PPIE: variants seen among roughly 807,000 people sequenced by gnomAD.
PPIE encodes peptidyl-prolyl cis-trans isomerase E.
A neutral mutation model predicts 38.4 loss-of-function variants in PPIE; 20 were observed. That is an observed-to-expected ratio of 0.52 (90% CI 0.37 to 0.76). PPIE has a LOEUF of 0.76. PPIE is among the 30% of genes least tolerant of loss of function. The pLI is 0.00. For missense variants in PPIE, 322 were observed against 385.8 expected (o/e 0.83, Z 1.39); for synonymous variants, 142 against 135.7 (o/e 1.05, Z -0.32).
At chr1:39,762,518 T>A (rs1557470321) in intron 9 of PPIE, 37 of 1,549,662 alleles carry the variant, frequency 2.4e-5, no homozygotes, top group Non-Finnish European at 3.1e-5. Context: ...TCCTTTAAGG[T>A]TGCCCCAGAT....
chr1:39,755,110 C>T lies in PPIE; in HGVS notation c.*1755C>T. On this transcript the variant is annotated 3_prime_UTR_variant, in exon 10 of 10. Transcript: ENST00000324379. ...TTGGAGCTGGCTTCTCTCCACTCCC[C>T]CTCCAGATGCTGGTCAGCCAGGCGG... is the stretch of plus-strand genomic sequence containing the variant. 1.0e-6 allele frequency: 1 copy of T among 985,476 alleles called. No individual in the cohort carries two copies. The highest frequency in any genetic ancestry group is 1.2e-6 in the Non-Finnish European group (1 of 829,940). 61.0% of individuals were successfully genotyped at this position (985,476 alleles called of 1,614,324 possible).
At position 39,755,616 on chromosome 1, in the gene PPIE, A is replaced by T. The variant is rs1261216972; in HGVS notation, c.*2261A>T. On this transcript the variant is annotated 3_prime_UTR_variant, in exon 10 of 10. Coordinates refer to ENST00000324379, the MANE Select transcript of PPIE (RefSeq NM_006112.4). ...AGTGCTTGGACGAGAACCAGGAGAG[A>T]GTGTGTAGAAAAAGCACAGCCAGCC... 5 of 985,230 alleles carry T rather than the reference A, an allele frequency of 5.1e-6. No individual in the cohort carries two copies. The highest frequency in any genetic ancestry group is 1.1e-4 in the East Asian group (1 of 8,816). The allele number at this position is 985,230 out of a possible 1,614,324, so 61.0% of individuals were successfully genotyped here. A position where few individuals can be genotyped will look rare whatever the true frequency, so the allele number is the denominator to read the frequency against.
At chr1:39,750,092 C>T (rs1319404449) in intron 8 of PPIE, among the ~76,000 whole-genome samples, 1 of 152,006 alleles carries the variant, frequency 6.6e-6, no homozygotes. Context: ...AAGATCGCAC[C>T]ATTGCACTCC....
chr1:39,746,616 A>C (rs974783561), intron 7 of PPIE: 1 of 152,220 alleles, frequency 6.6e-6, no homozygotes, highest in African/African-American at 2.4e-5. Flanking sequence ...AAGGATCCCA[A>C]AGATTAACCA....
chr1:39,747,854 A>G (rs1015358695), intron 7 of PPIE: 6 of 152,158 alleles, frequency 3.9e-5, no homozygotes, highest in African/African-American at 1.4e-4. Context: ...ACATCTTTTC[A>G]TGTGCTTGTT....
At chr1:39,744,545 A>G (rs537050511) in intron 6 of PPIE, among the ~76,000 whole-genome samples, 56 of 152,206 alleles carry the variant, frequency 3.7e-4, no homozygotes, top group Non-Finnish European at 6.8e-4. Flanking sequence ...GTAGCAGTCT[A>G]TCTCTAGTTT....
At chr1:39,743,997 A>G (rs1557445204) in intron 6 of PPIE, 73 bp downstream of exon 6, 2 of 1,072,840 alleles carry the variant, frequency 1.9e-6, no homozygotes, top group Non-Finnish European at 2.7e-6. Flanking sequence ...TTAAGTTTTA[A>G]TGGAAATTTG....
chr1:39,754,044 A>C lies in PPIE; in HGVS notation c.*689A>C. 1.0e-6 allele frequency: 1 copy of C among 985,462 alleles called. No homozygotes were observed. 61.0% of individuals were successfully genotyped at this position (985,462 alleles called of 1,614,324 possible). On this transcript the variant is annotated 3_prime_UTR_variant, in exon 10 of 10. Transcript: ENST00000324379. ...AAAAAATGAAATTTTTATAACTCAA[A>C]GTGCCTTCTCTGTGCCAAGTACTAT...
rs186708160 is a variant in PPIE, at chr1:39,762,850, A to G, written c.838-839A>G. 2.7e-3 allele frequency among the ~76,000 whole-genome samples: 404 copies of G among 152,384 alleles called. 1 individual carries two copies. Among genetic ancestry groups the G allele is most frequent in the African/African-American group, 9.2e-3 (383 of 41,590 alleles). On this transcript the variant is annotated intron_variant, in intron 9 of 9. Coordinates refer to the PPIE transcript ENST00000356511. ...CAGGAGTTTGTTCGGTGCATAGAAC[A>G]GGCATGTGTACACGACTGTTCACGT...
chr1:39,762,409 T>C, intron 9 of PPIE: 2 of 1,375,614 alleles, frequency 1.5e-6, no homozygotes, highest in Non-Finnish European at 1.9e-6. Context: ...GGATTCTAGG[T>C]AAAAAGTTCT....
In PPIE at chr1:39,753,531, T is replaced by G; in HGVS notation, c.*176T>G. ...TCCTCTGCAGGCACAGCCTGGACTATTCCCAGGCACAGCTGTGGGCCCAGG... is the reference window on the plus strand; with the variant it reads ...TCCTCTGCAGGCACAGCCTGGACTAGTCCCAGGCACAGCTGTGGGCCCAGG... On this transcript the variant is annotated 3_prime_UTR_variant, in exon 10 of 10. Transcript: ENST00000324379. The G allele has an allele frequency of 7.1e-7, 1 of 1,410,764 alleles. No homozygotes were observed. Among genetic ancestry groups the G allele is most frequent in the Non-Finnish European group, 9.2e-7 (1 of 1,087,016 alleles). 87.4% of individuals were successfully genotyped at this position (1,410,764 alleles called of 1,614,324 possible).
Position 39,755,793 on chromosome 1 carries a change from C to A in PPIE, c.*2438C>A. 1.0e-6 allele frequency: 1 copy of A among 985,352 alleles called. No homozygotes were observed. The highest frequency in any genetic ancestry group is 1.2e-6 in the Non-Finnish European group (1 of 829,910). 61.0% of individuals were successfully genotyped at this position (985,352 alleles called of 1,614,324 possible). On this transcript the variant is annotated 3_prime_UTR_variant, in exon 10 of 10. Transcript: ENST00000324379. ...TCTCCCAGTGTTCCTCCTGGGTGTT[C>A]ACAGATGTTATTGAATGCACACTGG...
chr1:39,761,771 G>A (rs1363656971), intron 9 of PPIE, among the ~76,000 whole-genome samples: 1 of 152,164 alleles, frequency 6.6e-6, no homozygotes, highest in African/African-American at 2.4e-5. Context: ...GCCAGGCCCA[G>A]TCTCTCCCCA....
chr1:39,743,418 A>G, intron 5 of PPIE, 121 bp downstream of exon 5: 1 of 842,094 alleles, frequency 1.2e-6, no homozygotes, highest in Non-Finnish European at 1.9e-6. Context: ...ATAGGAGTAG[A>G]TGATGGTTCA....
intron 9 of PPIE, chr1:39,763,260 C>T: frequency 6.8e-7 from 1 of 1,479,300 alleles, no homozygotes; most frequent in Non-Finnish European, 9.3e-7. Flanking sequence ...AGCCTCAGGG[C>T]CCAAACCCAT....
chr1:39,750,478 T>G (rs1647605152), intron 8 of PPIE, among the ~76,000 whole-genome samples: 1 of 152,246 alleles, frequency 6.6e-6, no homozygotes, highest in Non-Finnish European at 1.5e-5. Flanking sequence ...TTGGAATATT[T>G]GCATTATACT....
intron 9 of PPIE, chr1:39,763,058 C>G (rs1418147899): frequency 4.4e-6 from 7 of 1,608,178 alleles, no homozygotes; most frequent in East Asian, 4.5e-5. Flanking sequence ...GCCCCCCACC[C>G]CAGGGGGCTG....
Position 39,763,191 on chromosome 1 carries a change from G to A in PPIE, c.838-498G>A, listed in dbSNP as rs370726712. 107 of 1,612,584 alleles carry A rather than the reference G, an allele frequency of 6.6e-5. 1 individual carries two copies. Among genetic ancestry groups the A allele is most frequent in the Non-Finnish European group, 8.0e-5 (94 of 1,179,354 alleles). On this transcript the variant is annotated intron_variant, in intron 9 of 9. Coordinates refer to the PPIE transcript ENST00000356511. ...AATAGGCCGAGTAGCCTTGGGGAGC[G>A]ATGACCCAGTCCTGGGGGGCAAGGG...
chr1:39,742,855 A>G, intron 4 of PPIE: 1 of 166,260 alleles, frequency 6.0e-6, no homozygotes, highest in Non-Finnish European at 1.3e-5. Flanking sequence ...TTGTTCTGTT[A>G]TCCATTCACC....
Sources: allele counts gnomAD v4.1 joint callset (sites outside exome capture counted in the v4.1 genomes callset), GRCh38; gene constraint gnomAD v4.1.1; transcripts MANE v1.5; gene names NCBI Gene and HGNC (gene_info 2026-07-23, HGNC 2026-07-21).